Variants in NDFIP1 observed in about 807,000 individuals in gnomAD.
NDFIP1 encodes Nedd4 family interacting protein 1.
Under a neutral mutation model 28.8 loss-of-function variants are expected in NDFIP1, and 7 were observed. The observed-to-expected ratio is 0.24, with a 90% CI of 0.14 to 0.46. NDFIP1 has a LOEUF of 0.46. Among genes scored for constraint, NDFIP1 ranks in the 20% least tolerant of loss-of-function variants. The probability of loss-of-function intolerance (pLI) is 0.99; values close to 1 mark genes in which losing one functional copy is unlikely to be tolerated. For missense variants in NDFIP1, 194 were observed against 269.1 expected, an observed-to-expected ratio of 0.72 and a Z score of 1.95; for synonymous variants, 92 against 101.0, an observed-to-expected ratio of 0.91 and a Z score of 0.53.
intron 5 of NDFIP1, chr5:142,138,100 G>C (rs3765011): frequency 0.65 from 226,935 of 350,986 alleles, 74,004 homozygotes; most frequent in African/African-American, 0.74. Context: ...CATCTGCTTT[G>C]TTTGTTTTTA....
chr5:142,112,903 A>G (rs982725861), intron 1 of NDFIP1, among the ~76,000 whole-genome samples: 1 of 152,160 alleles, frequency 6.6e-6, no homozygotes, highest in African/African-American at 2.4e-5. Context: ...TATTTTAGAA[A>G]GACCTAAGTA....
chr5:142,126,116 A>G (rs1022220787), intron 1 of NDFIP1, among the ~76,000 whole-genome samples: 5 of 152,252 alleles, frequency 3.3e-5, no homozygotes, highest in Non-Finnish European at 5.9e-5. Flanking sequence ...TGTACAGGCC[A>G]CACAAACTTA....
intron 1 of NDFIP1, among the ~76,000 whole-genome samples, chr5:142,117,511 G>A (rs945523710): frequency 6.6e-6 from 1 of 152,102 alleles, no homozygotes; most frequent in African/African-American, 2.4e-5. Context: ...AAAGTGCTGG[G>A]ATTACAGGTG....
chr5:142,142,843 G>T (rs56685902), intron 6 of NDFIP1: 1 of 145,156 alleles, frequency 6.9e-6, no homozygotes, highest in African/African-American at 2.6e-5. Flanking sequence ...GCTTGAACCC[G>T]AGAGACGGAG....
intron 1 of NDFIP1, among the ~76,000 whole-genome samples, chr5:142,125,379 T>C (rs934567810): frequency 1.3e-5 from 2 of 152,196 alleles, no homozygotes; most frequent in Non-Finnish European, 2.9e-5. Flanking sequence ...TTGCTGTTTT[T>C]GTTTGAGACA....
intron 5 of NDFIP1, among the ~76,000 whole-genome samples, chr5:142,139,536 T>A (rs573979665): frequency 6.6e-6 from 1 of 151,732 alleles, no homozygotes; most frequent in South Asian, 2.1e-4. Context: ...AAGAACTATT[T>A]AAAAAAAAAT....
Position 142,153,208 on chromosome 5 carries a change from T to C in NDFIP1, c.*1480T>C, listed in dbSNP as rs1381616975. ...TCCTCATTTCTCCTGATTTCTATTC[T>C]TGTCTCAATCTTAAATTTAGAGACC... On this transcript the variant is annotated 3_prime_UTR_variant, in exon 8 of 8. Transcript: ENST00000253814. The C allele has an allele frequency of 6.7e-6, 3 of 448,428 alleles. No individual in the cohort carries two copies. Among genetic ancestry groups the C allele is most frequent in the East Asian group, 1.4e-4 (2 of 14,364 alleles). 27.8% of individuals were successfully genotyped at this position (448,428 alleles called of 1,614,324 possible).
intron 7 of NDFIP1, among the ~76,000 whole-genome samples, chr5:142,151,476 A>G (rs933083902): frequency 5.9e-5 from 9 of 152,330 alleles, no homozygotes; most frequent in African/African-American, 1.7e-4. Flanking sequence ...GAGGTTTGGA[A>G]AGAGAGACTC....
At chr5:142,132,587 C>T (rs1325303249) in intron 3 of NDFIP1, among the ~76,000 whole-genome samples, 1 of 152,136 alleles carries the variant, frequency 6.6e-6, no homozygotes. Flanking sequence ...TTTCAAGTCT[C>T]CTGGGATGGC....
chr5:142,135,072 G>A (rs919625892), intron 3 of NDFIP1, among the ~76,000 whole-genome samples: 2 of 151,868 alleles, frequency 1.3e-5, no homozygotes, highest in East Asian at 3.9e-4. Flanking sequence ...TCTGCCTCCC[G>A]GGTTCATGCC....
intron 7 of NDFIP1, among the ~76,000 whole-genome samples, chr5:142,147,110 A>T (rs1757396953): frequency 6.6e-6 from 1 of 152,154 alleles, no homozygotes. Context: ...TTTTCTATTT[A>T]ACTGTGATAC....
intron 1 of NDFIP1, among the ~76,000 whole-genome samples, chr5:142,111,006 A>G (rs1757009182): frequency 1.3e-5 from 2 of 152,100 alleles, no homozygotes; most frequent in Non-Finnish European, 2.9e-5. Flanking sequence ...TACTTAAAAC[A>G]CAGGCTCACA....
Position 142,108,934 on chromosome 5 carries a change from A to G in NDFIP1, c.-41A>G. 1.4e-6 allele frequency: 2 copies of G among 1,412,364 alleles called. No individual in the cohort carries two copies. Among genetic ancestry groups the G allele is most frequent in the Non-Finnish European group, 1.8e-6 (2 of 1,083,276 alleles). 87.5% of individuals were successfully genotyped at this position (1,412,364 alleles called of 1,614,324 possible). A position where few individuals can be genotyped will look rare whatever the true frequency, so the allele number is the denominator to read the frequency against. On this transcript the variant is annotated 5_prime_UTR_variant, in exon 1 of 8. Transcript: ENST00000253814. The stretch of plus-strand genomic sequence containing the variant: ...CCGCAGCGGCCGCGCCCCTTCAGCT[A>G]GCTCGCTCGCTCGCTCTGCTTCCCT...
At chr5:142,149,204 T>G (rs1166891504) in intron 7 of NDFIP1, among the ~76,000 whole-genome samples, 1 of 152,200 alleles carries the variant, frequency 6.6e-6, no homozygotes, top group African/African-American at 2.4e-5. Flanking sequence ...ACAGACACTT[T>G]CATTTCTCCT....
At position 142,109,051 on chromosome 5, in the gene NDFIP1, G is replaced by C. The variant is rs1051845927; in HGVS notation, c.63+14G>C. 7 of 1,406,378 alleles carry C rather than the reference G, an allele frequency of 5.0e-6. No homozygotes were observed. Among genetic ancestry groups the C allele is most frequent in the Non-Finnish European group, 6.5e-6 (7 of 1,079,824 alleles). 87.1% of individuals were successfully genotyped at this position (1,406,378 alleles called of 1,614,324 possible). On this transcript the variant is annotated intron_variant, in intron 1 of 7. Transcript: ENST00000253814. ...CGGTACCAGCAGGTAAGCGGCGCCC[G>C]ACTCCAGCCCCGAACTCCGGTCCCT...
chr5:142,147,225 A>G (rs557669761), intron 7 of NDFIP1, among the ~76,000 whole-genome samples: 15 of 152,290 alleles, frequency 9.8e-5, no homozygotes, highest in Non-Finnish European at 1.5e-4. Context: ...TGACTTCACT[A>G]ATTTTCCAGG....
chr5:142,152,200 T>C lies in NDFIP1; in HGVS notation c.*472T>C, dbSNP rs1757453947. 6.5e-6 allele frequency: 1 copy of C among 152,794 alleles called. No individual in the cohort carries two copies. The highest frequency in any genetic ancestry group is 6.5e-5 in the Admixed American group (1 of 15,284). The allele number at this position is 152,794 out of a possible 1,614,324, so 9.5% of individuals were successfully genotyped here. On this transcript the variant is annotated 3_prime_UTR_variant, in exon 8 of 8. Transcript: ENST00000253814. ...ACTGTGTTTTTGCACATAATCCATA[T>C]TTGCTGTTCAAGTTAATCTAGAAAT... is the stretch of plus-strand genomic sequence containing the variant.
rs1261149291 is a variant in NDFIP1 at position 142,130,782 on chromosome 5, G to A, written c.64-1026G>A. 4.6e-5 allele frequency among the ~76,000 whole-genome samples: 7 copies of A among 151,874 alleles called. No homozygotes were observed. The East Asian group carries it at 1.4e-3, about 29-fold the overall frequency. On this transcript the variant is annotated intron_variant, in intron 1 of 7. Transcript: ENST00000253814. ...CACAACAAAAAGGAAAAATTCCCCT[G>A]TACTCCTATTACCTAGAAATAACAG...
At chr5:142,111,846 C>T (rs1413334008) in intron 1 of NDFIP1, among the ~76,000 whole-genome samples, 1 of 151,998 alleles carries the variant, frequency 6.6e-6, no homozygotes, top group African/African-American at 2.4e-5. Context: ...GTGGGCGGAT[C>T]ACTTGAGGTC....
Sources: gnomAD v4.1 joint callset for allele counts (sites outside exome capture counted in the v4.1 genomes callset) on GRCh38, gnomAD v4.1.1 for gene constraint, MANE v1.5 for transcripts, NCBI Gene and HGNC (gene_info 2026-07-23, HGNC 2026-07-21) for gene names.